Variants in FLNB observed in about 807,000 individuals in gnomAD.
The protein encoded by FLNB is filamin B, also known as filamin-B.
Under a neutral mutation model 250.6 loss-of-function variants are expected in FLNB, and 111 were observed. The observed-to-expected ratio is 0.44, with a 90% CI of 0.38 to 0.52. The LOEUF (loss-of-function observed/expected upper bound fraction) is 0.52. FLNB is among the 20% of genes least tolerant of loss of function. The pLI is 0.00. For missense variants in FLNB, 2,869 were observed against 3,447.8 expected, an observed-to-expected ratio of 0.83 and a Z score of 4.20; for synonymous variants, 1,302 against 1,372.1, an observed-to-expected ratio of 0.95 and a Z score of 1.13.
intron 1 of FLNB, among the ~76,000 whole-genome samples, chr3:58,071,970 G>A (rs1470622958): frequency 6.7e-6 from 1 of 148,636 alleles, no homozygotes; most frequent in Non-Finnish European, 1.5e-5. Context: ...TTCCACCCCC[G>A]TGAATGCATC....
In FLNB at chr3:58,102,454, C is replaced by A; in HGVS notation, c.1483+114C>A. The A allele has an allele frequency of 3.2e-6, 4 of 1,254,024 alleles. No homozygotes were observed. The South Asian group carries it at 3.6e-5, about 11-fold the overall frequency. The allele number at this position is 1,254,024 out of a possible 1,614,324, so 77.7% of individuals were successfully genotyped here. On this transcript the variant is annotated intron_variant, in intron 9 of 45. Transcript: ENST00000295956. ...CCTCAATAATCCCAGAAGGCTATGTCAAGGATTTGAGGCTATCTGGGCTCC... is the reference window on the plus strand; with the variant it reads ...CCTCAATAATCCCAGAAGGCTATGTAAAGGATTTGAGGCTATCTGGGCTCC...
At chr3:58,078,933 C>T (rs1052832329) in intron 3 of FLNB, 119 bp downstream of exon 3, 6 of 706,088 alleles carry the variant, frequency 8.5e-6, no homozygotes, top group Admixed American at 8.1e-5. Context: ...AGAGCATTGC[C>T]TGTGATGCTC....
At position 58,124,393 on chromosome 3, in the gene FLNB, G is replaced by C; in HGVS notation, c.3786G>C (p.Gly1262=). ...TVDSRPLTQV[G]GDHIKAHIAN... ...ACTCTCGGCCGCTGACCCAGGTTGG[G>C]GGTGACCACATCAAGGCCCACATTG... Residue 1262 remains glycine (G), a synonymous_variant, in exon 22 of 46, where the codon GGG becomes GGC. Coordinates refer to ENST00000295956, the MANE Select transcript of FLNB (RefSeq NM_001457.4). The C allele has an allele frequency of 6.2e-7, 1 of 1,614,216 alleles. No individual in the cohort carries two copies. The highest frequency in any genetic ancestry group is 1.1e-5 in the South Asian group (1 of 91,082).
intron 24 of FLNB, among the ~76,000 whole-genome samples, chr3:58,127,050 C>T (rs1194316583): frequency 6.6e-6 from 1 of 152,172 alleles, no homozygotes; most frequent in Non-Finnish European, 1.5e-5. Flanking sequence ...TTGAAAATCA[C>T]AGTGGCTCAC....
chr3:58,141,905 A>G lies in FLNB; in HGVS notation c.5157A>G (p.Ala1719=), dbSNP rs751024528. The G allele has an allele frequency of 1.9e-6, 3 of 1,614,132 alleles. No homozygotes were observed. The South Asian group carries it at 3.3e-5, about 18-fold the overall frequency. Residue 1719 remains alanine, a synonymous_variant, in exon 30 of 46, where the codon GCA becomes GCG. Transcript: ENST00000295956. ...VTAVEEAPVN[A]CPPGFRPWVT... ...CCGTGGAGGAGGCACCGGTAAATGC[A>G]TGTCCCCCTGGATTCAGGCCCTGGG...
intron 18 of FLNB, among the ~76,000 whole-genome samples, chr3:58,115,128 A>G (rs2097275655): frequency 6.6e-6 from 1 of 152,226 alleles, no homozygotes; most frequent in African/African-American, 2.4e-5. Context: ...TGATAAAACT[A>G]ACACTTTTAT....
intron 1 of FLNB, among the ~76,000 whole-genome samples, chr3:58,009,135 AGTT>A (rs746158565): frequency 6.6e-6 from 1 of 152,036 alleles, no homozygotes; most frequent in Non-Finnish European, 1.5e-5. Flanking sequence ...GGAGAGGTGG[AGTT>A]GTTGCATTTC....
Position 58,148,712 on chromosome 3 carries a change from A to G in FLNB, c.5951A>G (p.His1984Arg). ...GTCAGCATCAAGAAAAATGGCAACC[A>G]TGTGGCCAACAGCCCCGTGTCTATC... ...HLVSIKKNGN[H>R]VANSPVSIMV... is the part of the protein sequence containing the mutation. Residue 1984 changes from histidine to arginine, a missense_variant, in exon 36 of 46, where the codon CAT becomes CGT. By Grantham distance (29) the His-to-Arg change is conservative. Transcript: ENST00000295956. 1 of 1,614,028 alleles carries G rather than the reference A, an allele frequency of 6.2e-7. No individual in the cohort carries two copies. Among genetic ancestry groups the G allele is most frequent in the Non-Finnish European group, 8.5e-7 (1 of 1,179,998 alleles).
chr3:58,129,505 CTAAAG>C (rs2107198668), intron 24 of FLNB, among the ~76,000 whole-genome samples: 1 of 152,332 alleles, frequency 6.6e-6, no homozygotes, highest in South Asian at 2.1e-4. Context: ...CTGTCACTCT[CTAAAG>C]TAAAGCCCCC....
chr3:58,079,577 G>A (rs1051820860), intron 3 of FLNB, among the ~76,000 whole-genome samples: 5 of 152,124 alleles, frequency 3.3e-5, no homozygotes, highest in Non-Finnish European at 7.3e-5. Context: ...AAACATGTAA[G>A]CCAGGATAAT....
chr3:58,143,149 A>G (rs540805026), intron 31 of FLNB, among the ~76,000 whole-genome samples: 1 of 152,128 alleles, frequency 6.6e-6, no homozygotes, highest in South Asian at 2.1e-4. Context: ...CCTCTTTTCA[A>G]TGGCCCACTT....
Position 58,169,672 on chromosome 3 carries a change from C to T in FLNB, c.7500C>T (p.Thr2500=). 3 of 1,614,094 alleles carry T rather than the reference C, an allele frequency of 1.9e-6. No individual in the cohort carries two copies. Among genetic ancestry groups the T allele is most frequent in the African/African-American group, 1.3e-5 (1 of 75,000 alleles). Residue 2500 remains threonine (T), a synonymous_variant, in exon 45 of 46, where the codon ACC becomes ACT. Coordinates refer to ENST00000295956, the MANE Select transcript of FLNB (RefSeq NM_001457.4). This position sits in a 1 kb window ranked among gnomAD's most constrained non-coding sequence, Gnocchi z 4.8. ...VESVTRSSTE[T]CYSAIPKASS... ...CAGTGACCAGGTCGTCTACAGAGAC[C>T]TGCTATAGCGCCATTCCCAAGGCAT... is the stretch of plus-strand genomic sequence containing the variant.
intron 43 of FLNB, among the ~76,000 whole-genome samples, chr3:58,167,123 A>C (rs58173324): frequency 0.023 from 3,570 of 152,310 alleles, 142 homozygotes; most frequent in African/African-American, 0.082. Flanking sequence ...GCGAGACTCT[A>C]TCTCAATCAA....
At chr3:58,140,322 T>C (rs1480428160) in intron 29 of FLNB, among the ~76,000 whole-genome samples, 1 of 152,192 alleles carries the variant, frequency 6.6e-6, no homozygotes, top group African/African-American at 2.4e-5. Flanking sequence ...CTTTGAGAAG[T>C]CCTGGACCAA....
In FLNB at chr3:58,141,934, A is replaced by G. The variant is rs1364117493; in HGVS notation, c.5181+5A>G. Reference sequence around the variant, plus strand: ...CCCCCTGGATTCAGGCCCTGGGTACAATTTTGGTTTTTTCCTTTTTGTGTT... The same window carrying G: ...CCCCCTGGATTCAGGCCCTGGGTACGATTTTGGTTTTTTCCTTTTTGTGTT... On this transcript the variant is annotated splice_donor_5th_base_variant and intron_variant, in intron 30 of 45. Coordinates refer to ENST00000295956, the MANE Select transcript of FLNB (RefSeq NM_001457.4). 2.5e-6 allele frequency: 4 copies of G among 1,613,872 alleles called. No homozygotes were observed. Among genetic ancestry groups the G allele is most frequent in the Admixed American group, 1.7e-5 (1 of 60,034 alleles).
chr3:58,108,675 C>T, intron 13 of FLNB, 104 bp downstream of exon 13: 2 of 743,540 alleles, frequency 2.7e-6, no homozygotes. Flanking sequence ...TCCTCATCTG[C>T]ACCGTGGAAA....
At position 58,132,834 on chromosome 3, in the gene FLNB, G is replaced by A. The variant is rs1247179097; in HGVS notation, c.4417G>A (p.Asp1473Asn). ...RGLVEPVNVV[D>N]NGDGTHTVTY... is the part of the protein sequence containing the mutation. ...CTTGGTGGAGCCAGTGAACGTGGTGGACAATGGAGATGGCACACACACAGT... is the reference window on the plus strand; with the variant it reads ...CTTGGTGGAGCCAGTGAACGTGGTGAACAATGGAGATGGCACACACACAGT... The change falls in exon 26 of 46, where the codon GAC (aspartate) becomes AAC (asparagine). Residue 1473 changes from aspartate to asparagine, a missense_variant. Transcript: ENST00000295956. 7 of 1,613,932 alleles carry A rather than the reference G, an allele frequency of 4.3e-6. No individual in the cohort carries two copies. Among genetic ancestry groups the A allele is most frequent in the Non-Finnish European group, 5.9e-6 (7 of 1,179,992 alleles).
intron 1 of FLNB, among the ~76,000 whole-genome samples, chr3:58,068,211 C>T (rs2097188814): frequency 6.6e-6 from 1 of 152,328 alleles, no homozygotes; most frequent in African/African-American, 2.4e-5. Context: ...AGTTGCATGC[C>T]TGGGAGGGAG....
At chr3:58,130,685 A>G in intron 24 of FLNB, 56 bp from the exon 25 acceptor site, 1 of 1,578,308 alleles carries the variant, frequency 6.3e-7, no homozygotes, top group African/African-American at 1.3e-5. Context: ...CTGGGTGTGC[A>G]CAAGGTGGTC....
Sources: allele counts gnomAD v4.1 joint callset (sites outside exome capture counted in the v4.1 genomes callset), GRCh38; gene constraint gnomAD v4.1.1; non-coding constraint Gnocchi (gnomAD v3.1); transcripts MANE v1.5; gene names NCBI Gene and HGNC (gene_info 2026-07-23, HGNC 2026-07-21).